Variants in PDGFRB observed in about 807,000 individuals in gnomAD.
PDGFRB encodes platelet-derived growth factor receptor beta.
Under a neutral mutation model 120.2 loss-of-function variants are expected in PDGFRB, and 42 were observed. The observed-to-expected ratio is 0.35, with a 90% CI of 0.27 to 0.45. The LOEUF is 0.45. Among genes scored for constraint, PDGFRB ranks in the 20% least tolerant of loss-of-function variants. The pLI is 1.00. For synonymous variants in PDGFRB, 586 were observed against 606.8 expected, an observed-to-expected ratio of 0.97 and a Z score of 0.50; for missense variants, 1,149 against 1,476.3, an observed-to-expected ratio of 0.78 and a Z score of 3.63.
chr5:150,122,720 T>C (rs1406138054), intron 15 of PDGFRB, among the ~76,000 whole-genome samples: 1 of 152,220 alleles, frequency 6.6e-6, no homozygotes, highest in East Asian at 1.9e-4. Context: ...GGAGCACCAC[T>C]GTGCAAATTG....
At chr5:150,146,991 G>A (rs112384690) in intron 1 of PDGFRB, among the ~76,000 whole-genome samples, 13 of 152,310 alleles carry the variant, frequency 8.5e-5, no homozygotes, top group East Asian at 1.9e-4. Context: ...CCACAATTTC[G>A]CTGCAGAGGC....
At chr5:150,125,922 A>AG (rs1323066072) in intron 11 of PDGFRB, among the ~76,000 whole-genome samples, 1 of 152,214 alleles carries the variant, frequency 6.6e-6, no homozygotes, top group Non-Finnish European at 1.5e-5. Context: ...AAGTGACACC[A>AG]GGTAGGGTAC....
chr5:150,144,665 C>CCACTGA (rs1760873149), intron 1 of PDGFRB, among the ~76,000 whole-genome samples: 1 of 152,168 alleles, frequency 6.6e-6, no homozygotes, highest in South Asian at 2.1e-4. Flanking sequence ...TGGAACAGTG[C>CCACTGA]GTGGGAAAGC....
chr5:150,146,734 T>G (rs1382941689), intron 1 of PDGFRB, among the ~76,000 whole-genome samples: 1 of 152,142 alleles, frequency 6.6e-6, no homozygotes, highest in Non-Finnish European at 1.5e-5. Flanking sequence ...AAACCTGAAT[T>G]CTTGCCCGTC....
At position 150,120,819 on chromosome 5, in the gene PDGFRB, C is replaced by A; in HGVS notation, c.2586+69G>T. 1 of 1,476,560 alleles carries A rather than the reference C, an allele frequency of 6.8e-7. No homozygotes were observed. Among genetic ancestry groups the A allele is most frequent in the South Asian group, 1.2e-5 (1 of 86,650 alleles). 91.5% of individuals were successfully genotyped at this position (1,476,560 alleles called of 1,614,324 possible). A position where few individuals can be genotyped will look rare whatever the true frequency, so the allele number is the denominator to read the frequency against. On this transcript the variant is annotated intron_variant, in intron 18 of 22. Coordinates refer to ENST00000261799, the MANE Select transcript of PDGFRB (RefSeq NM_002609.4). This position sits in a 1 kb window ranked among gnomAD's most constrained non-coding sequence, Gnocchi z 4.3. ...TCCTATGAGCTGCAGCCACACTGGT[C>A]AGGAGGGAATCTGTTCCTGCGGTCA...
At chr5:150,153,802 C>T (rs1046462564) in intron 1 of PDGFRB, 11 of 152,244 alleles carry the variant, frequency 7.2e-5, no homozygotes, top group African/African-American at 2.6e-4. Context: ...AGGAATGCTG[C>T]CTGGAGTAGC....
chr5:150,129,510 T>C (rs1760391491), intron 10 of PDGFRB, among the ~76,000 whole-genome samples: 1 of 152,250 alleles, frequency 6.6e-6, no homozygotes, highest in Non-Finnish European at 1.5e-5. Flanking sequence ...ATATAGTATA[T>C]GTACACCACA....
In PDGFRB at chr5:150,114,350, T is replaced by C. The variant is rs1456177098; in HGVS notation, c.*1413A>G. The C allele has an allele frequency of 4.3e-6, 1 of 233,110 alleles. No homozygotes were observed. Among genetic ancestry groups the C allele is most frequent in the Non-Finnish European group, 8.5e-6 (1 of 118,016 alleles). The allele number at this position is 233,110 out of a possible 1,614,324, so 14.4% of individuals were successfully genotyped here. A position where few individuals can be genotyped will look rare whatever the true frequency, so the allele number is the denominator to read the frequency against. On this transcript the variant is annotated 3_prime_UTR_variant, in exon 23 of 23. Coordinates refer to ENST00000261799, the MANE Select transcript of PDGFRB (RefSeq NM_002609.4). ...GGGTACCCATCTGAAGCTTCTTGTC[T>C]TTTACAAGACATAACTGTCCTCACT...
At chr5:150,143,297 A>G (rs778285100) in intron 1 of PDGFRB, among the ~76,000 whole-genome samples, 1 of 152,232 alleles carries the variant, frequency 6.6e-6, no homozygotes, top group Non-Finnish European at 1.5e-5. Flanking sequence ...AAGGGTGACT[A>G]CTGTACAGTC....
At chr5:150,138,780 T>G (rs943473408) in intron 1 of PDGFRB, among the ~76,000 whole-genome samples, 1 of 152,254 alleles carries the variant, frequency 6.6e-6, no homozygotes, top group Admixed American at 6.5e-5. Context: ...CATCTGCCCC[T>G]CCGTCGGTGC....
In PDGFRB at chr5:150,115,119, C is replaced by T. The variant is rs1759886689; in HGVS notation, c.*644G>A. The T allele has an allele frequency of 4.3e-6, 1 of 233,032 alleles. No individual in the cohort carries two copies. Among genetic ancestry groups the T allele is most frequent in the African/African-American group, 2.2e-5 (1 of 45,332 alleles). 14.4% of individuals were successfully genotyped at this position (233,032 alleles called of 1,614,324 possible). A position where few individuals can be genotyped will look rare whatever the true frequency, so the allele number is the denominator to read the frequency against. On this transcript the variant is annotated 3_prime_UTR_variant, in exon 23 of 23. Transcript: ENST00000261799. ...GCAAGGGCTGCAGGCTGGGGGTGTC[C>T]TGTACTTGGCTCAGCCTCCAGCATT...
At chr5:150,152,340 G>A (rs1761100193) in intron 1 of PDGFRB, among the ~76,000 whole-genome samples, 1 of 152,204 alleles carries the variant, frequency 6.6e-6, no homozygotes, top group African/African-American at 2.4e-5. Flanking sequence ...CACAGAAAGT[G>A]CTAAGAACGA....
At chr5:150,115,968 T>C in intron 22 of PDGFRB, 22 bp from the exon 23 acceptor site, 1 of 1,549,454 alleles carries the variant, frequency 6.5e-7, no homozygotes, top group Non-Finnish European at 8.7e-7. Context: ...AGGCAGTGAG[T>C]GAGGGGCTAG....
chr5:150,126,734 C>T, intron 10 of PDGFRB, 120 bp from the exon 11 acceptor site: 1 of 689,030 alleles, frequency 1.5e-6, no homozygotes, highest in East Asian at 2.7e-5. Context: ...CGCCCACCTC[C>T]CCATCAGCCT....
At chr5:150,149,992 T>C (rs1761028444) in intron 1 of PDGFRB, among the ~76,000 whole-genome samples, 2 of 152,140 alleles carry the variant, frequency 1.3e-5, no homozygotes, top group African/African-American at 4.8e-5. Context: ...TCCCTTGGCT[T>C]CTCCCCACTT....
At chr5:150,129,479 T>C (rs1760390103) in intron 10 of PDGFRB, among the ~76,000 whole-genome samples, 2 of 152,246 alleles carry the variant, frequency 1.3e-5, no homozygotes, top group Non-Finnish European at 2.9e-5. Flanking sequence ...GGCATGCTCA[T>C]GTACATGGCT....
At chr5:150,142,476 C>T (rs930477919) in intron 1 of PDGFRB, among the ~76,000 whole-genome samples, 1 of 152,164 alleles carries the variant, frequency 6.6e-6, no homozygotes, top group Admixed American at 6.5e-5. Flanking sequence ...GAGAAGTGAG[C>T]CACAGACTCC....
chr5:150,116,067 T>C, intron 22 of PDGFRB, 121 bp from the exon 23 acceptor site: 1 of 805,122 alleles, frequency 1.2e-6, no homozygotes, highest in Non-Finnish European at 1.9e-6. Flanking sequence ...CTCCGGCTCA[T>C]TTAACTCTTG....
intron 1 of PDGFRB, among the ~76,000 whole-genome samples, chr5:150,143,119 T>G (rs1480901288): frequency 6.6e-6 from 1 of 152,030 alleles, no homozygotes; most frequent in East Asian, 1.9e-4. Flanking sequence ...AAAGGGATGA[T>G]TCACTCCTGG....
Sources: allele counts gnomAD v4.1 joint callset (sites outside exome capture counted in the v4.1 genomes callset), GRCh38; gene constraint gnomAD v4.1.1; non-coding constraint Gnocchi (gnomAD v3.1); transcripts MANE v1.5; gene names NCBI Gene and HGNC (gene_info 2026-07-23, HGNC 2026-07-21).